Variants in BUB1 observed in about 807,000 individuals in gnomAD.
BUB1 encodes BUB1 mitotic checkpoint serine/threonine kinase.
Under a neutral mutation model 135.2 loss-of-function variants are expected in BUB1, and 84 were observed. That is an observed-to-expected ratio of 0.62 (90% CI 0.52 to 0.74). The LOEUF is 0.74. BUB1 is among the 30% of genes least tolerant of loss of function. The pLI is 0.00. For synonymous variants in BUB1, 403 were observed against 434.4 expected (o/e 0.93, Z 0.90); for missense variants, 1,162 against 1,288.3 (o/e 0.90, Z 1.50).
chr2:110,658,328 T>C, intron 13 of BUB1, 82 bp downstream of exon 13: 1 of 1,140,708 alleles, frequency 8.8e-7, no homozygotes, highest in Non-Finnish European at 1.2e-6. Flanking sequence ...AAGGGCAGGG[T>C]CACCTCTTAA....
At chr2:110,642,900 C>G (rs1689542086) in intron 19 of BUB1, 2 of 153,876 alleles carry the variant, frequency 1.3e-5, no homozygotes, top group South Asian at 2.1e-4. Context: ...CCATGTTGCC[C>G]AGGCTTGTCT....
chr2:110,641,796 T>C lies in BUB1; in HGVS notation c.2471A>G (p.Lys824Arg). Residue 824 changes from lysine (K) to arginine (R), a missense_variant, in exon 21 of 25, where the codon AAG becomes AGG. Physicochemically the swap from Lys to Arg is conservative, Grantham distance 26 (BLOSUM62 2). Transcript: ENST00000302759. Reference protein sequence around the residue: ...NKQKFVLKVQKPANPWEFYIG... With the variant: ...NKQKFVLKVQRPANPWEFYIG... ...GTAGAATTCCCAGGGGTTGGCAGGC[T>C]TTTGGACCTGCAAATCAGGTATGTG... 1 of 1,602,612 alleles carries C rather than the reference T, an allele frequency of 6.2e-7. No individual in the cohort carries two copies. Among genetic ancestry groups the C allele is most frequent in the South Asian group, 1.1e-5 (1 of 90,318 alleles).
In BUB1 at chr2:110,657,542, T is replaced by C; in HGVS notation, c.1616+4A>G. The C allele has an allele frequency of 6.3e-7, 1 of 1,592,844 alleles. No homozygotes were observed. ...ATCCCATTAACTAGATGGTATTTTT[T>C]TACCCATAATTTTCTTTGTTTCCAT... On this transcript the variant is annotated splice_donor_region_variant and intron_variant, in intron 14 of 24. Transcript: ENST00000302759.
chr2:110,641,084 AT>A lies in BUB1; in HGVS notation c.2904del (p.Ser969LeufsTer36). The A allele has an allele frequency of 6.2e-7, 1 of 1,611,198 alleles. No homozygotes were observed. The highest frequency in any genetic ancestry group is 8.5e-7 in the Non-Finnish European group (1 of 1,179,028). ...KGTIFTAKCE[T>X]SGFQCVEMLS... is the part of the protein sequence containing the mutation. ...AGCATCTCAACACACTGAAAACCAG[AT>A]GTTTCACACTTTGCTGTGAATATAG... is the stretch of plus-strand genomic sequence containing the variant. On this transcript the variant is annotated frameshift_variant, in exon 23 of 25. Transcript: ENST00000302759. LOFTEE classifies it high-confidence loss of function.
At chr2:110,666,738 T>TG (rs1690267264) in intron 8 of BUB1, among the ~76,000 whole-genome samples, 1 of 152,174 alleles carries the variant, frequency 6.6e-6, no homozygotes, top group African/African-American at 2.4e-5. Flanking sequence ...ATCATGATTG[T>TG]GCAAATCATT....
At chr2:110,656,426 T>C (rs1373824811) in intron 15 of BUB1, among the ~76,000 whole-genome samples, 1 of 152,194 alleles carries the variant, frequency 6.6e-6, no homozygotes, top group Non-Finnish European at 1.5e-5. Context: ...TCTATTGGCC[T>C]TTCCGAGTCT....
intron 21 of BUB1, 72 bp downstream of exon 21, chr2:110,641,569 CA>C (rs1290349087): frequency 1.3e-6 from 2 of 1,561,040 alleles, no homozygotes; most frequent in East Asian, 4.5e-5. Context: ...GCCCCAACCA[CA>C]AAAGTACGTG....
intron 19 of BUB1, among the ~76,000 whole-genome samples, chr2:110,644,215 C>T (rs1315679101): frequency 2.6e-5 from 4 of 151,640 alleles, no homozygotes; most frequent in Non-Finnish European, 5.9e-5. Flanking sequence ...CCGGGTGCAG[C>T]GGCTCACACC....
chr2:110,670,000 T>A (rs1436947950), intron 5 of BUB1, among the ~76,000 whole-genome samples: 1 of 152,022 alleles, frequency 6.6e-6, no homozygotes, highest in East Asian at 1.9e-4. Context: ...TTTTTGCAGG[T>A]TTGAGCTTTT....
chr2:110,649,324 C>A lies in BUB1; in HGVS notation c.2257G>T (p.Gly753Trp). 6.2e-7 allele frequency: 1 copy of A among 1,603,854 alleles called. No homozygotes were observed. The highest frequency in any genetic ancestry group is 1.1e-5 in the South Asian group (1 of 89,954). The change falls in exon 19 of 25, where the codon GGG (glycine) becomes TGG (tryptophan). Residue 753 changes from glycine (G) to tryptophan (W), a missense_variant. Transcript: ENST00000302759. ...TAGGAACTCACTGGTTTAGAAAGCCCAGATAAAAGTTTGAAAATCAGCTTA... is the reference window on the plus strand; with the variant it reads ...TAGGAACTCACTGGTTTAGAAAGCCAAGATAAAAGTTTGAAAATCAGCTTA... ...DDKLIFKLLS[G>W]LSKPVSSYPN...
rs185106355 is a variant in BUB1, at chr2:110,663,824, C to G, written c.958-1983G>C. On this transcript the variant is annotated intron_variant, in intron 9 of 24. Transcript: ENST00000302759. ...TGGGCGGATCACGAGGTCAGGAGAT[C>G]AAGACCATCCTGGTAACACGGTGAA... Among the ~76,000 whole-genome samples, 9 of 152,178 alleles carry G rather than the reference C, an allele frequency of 5.9e-5. No individual in the cohort carries two copies. In the East Asian group the frequency reaches 7.7e-4, roughly 13 times the overall value.
At chr2:110,670,690 A>C in intron 4 of BUB1, 122 bp from the exon 5 acceptor site, 1 of 925,162 alleles carries the variant, frequency 1.1e-6, no homozygotes, top group South Asian at 1.9e-5. Context: ...GTCAAGAGAG[A>C]ATGTACAGTT....
At chr2:110,658,287 G>T in intron 13 of BUB1, 123 bp downstream of exon 13, 2 of 693,724 alleles carry the variant, frequency 2.9e-6, no homozygotes, top group Non-Finnish European at 2.3e-6. Context: ...TTTATTTCAT[G>T]CATTCCCTGC....
chr2:110,639,470 G>A (rs1427096324), intron 24 of BUB1, among the ~76,000 whole-genome samples: 1 of 151,956 alleles, frequency 6.6e-6, no homozygotes, highest in Non-Finnish European at 1.5e-5. Context: ...TAGGTGATTA[G>A]GGGTGGAAAC....
chr2:110,665,684 A>T (rs949926528), intron 9 of BUB1, among the ~76,000 whole-genome samples: 18 of 152,190 alleles, frequency 1.2e-4, no homozygotes, highest in Middle Eastern at 3.4e-3. Flanking sequence ...GTGATATTTT[A>T]AAAAACCATC....
In BUB1 at chr2:110,658,699, T is replaced by C. The variant is rs748107790; in HGVS notation, c.1320A>G (p.Thr440=). The C allele has an allele frequency of 6.2e-7, 1 of 1,614,122 alleles. No individual in the cohort carries two copies. The highest frequency in any genetic ancestry group is 1.7e-5 in the Admixed American group (1 of 60,014). The change falls in exon 12 of 25, where the codon ACA becomes ACG. Residue 440 remains threonine (T), a synonymous_variant. Transcript: ENST00000302759. The part of the protein sequence containing the change: ...HKVANTSSFH[T]TPNTSLGMVQ... ...CCATTCCCAGTGATGTGTTTGGAGT[T>C]GTGTGAAAAGAACTTGTGTTGGCAA...
At chr2:110,645,390 T>C (rs10175974) in intron 19 of BUB1, among the ~76,000 whole-genome samples, 20,965 of 149,566 alleles carry the variant, frequency 0.14, 3,170 homozygotes, top group African/African-American at 0.38. Flanking sequence ...GCCAAGATCA[T>C]AGTACTACGG....
At position 110,661,824 on chromosome 2, in the gene BUB1, C is replaced by G; in HGVS notation, c.975G>C (p.Met325Ile). The G allele has an allele frequency of 6.2e-7, 1 of 1,614,184 alleles. No individual in the cohort carries two copies. The highest frequency in any genetic ancestry group is 8.5e-7 in the Non-Finnish European group (1 of 1,180,038). Residue 325 changes from methionine to isoleucine, a missense_variant, in exon 10 of 25, where the codon ATG (methionine) becomes ATC (isoleucine). Met to Ile is a conservative substitution (Grantham distance 10, BLOSUM62 1). Coordinates refer to ENST00000302759, the MANE Select transcript of BUB1 (RefSeq NM_004336.5). ...CCTGCTGGGAGCCTACACTTGGCCCCATACGTGCTGGATTAACCTTTCATA... is the reference window on the plus strand; with the variant it reads ...CCTGCTGGGAGCCTACACTTGGCCCGATACGTGCTGGATTAACCTTTCATA... ...QERSEVNPARMGPSVGSQQEL... is the reference protein window; with the variant it reads ...QERSEVNPARIGPSVGSQQEL...
intron 6 of BUB1, 50 bp from the exon 7 acceptor site, chr2:110,667,899 T>C (rs113293448): frequency 6.4e-7 from 1 of 1,564,910 alleles, no homozygotes; most frequent in Admixed American, 1.8e-5. Flanking sequence ...AGAAGAAAGC[T>C]TCACCCAAAT....
Sources: allele counts gnomAD v4.1 joint callset (sites outside exome capture counted in the v4.1 genomes callset), GRCh38; gene constraint gnomAD v4.1.1; transcripts MANE v1.5; gene names NCBI Gene and HGNC (gene_info 2026-07-23, HGNC 2026-07-21).